Variants in DMXL1 observed in about 807,000 individuals in gnomAD.
DMXL1 encodes Dmx like 1.
A neutral mutation model predicts 319.2 loss-of-function variants in DMXL1; 99 were observed. The ratio of observed to expected loss-of-function variants is 0.31; its 90% CI spans 0.26 to 0.37. The LOEUF (loss-of-function observed/expected upper bound fraction) is 0.37. Among genes scored for constraint, DMXL1 ranks in the 10% least tolerant of loss-of-function variants. The pLI is 1.00. For synonymous variants in DMXL1, 1,385 were observed against 1,235.2 expected, an observed-to-expected ratio of 1.12 and a Z score of -2.54; for missense variants, 3,745 against 3,595.6, an observed-to-expected ratio of 1.04 and a Z score of -1.06.
At chr5:119,130,104 AGTTTT>A (rs373578414) in intron 10 of DMXL1, among the ~76,000 whole-genome samples, 7 of 151,674 alleles carry the variant, frequency 4.6e-5, no homozygotes, top group African/African-American at 1.7e-4. Flanking sequence ...TTTTTTTTAA[AGTTTT>A]GTTTTAATTT....
chr5:119,077,860 C>CGTGT (rs373295354), intron 1 of DMXL1, among the ~76,000 whole-genome samples: 8 of 95,884 alleles, frequency 8.3e-5, no homozygotes, highest in African/African-American at 1.5e-4. Flanking sequence ...TGTATATATA[C>CGTGT]GTGTGTGTGT....
intron 1 of DMXL1, among the ~76,000 whole-genome samples, chr5:119,078,760 A>T (rs1751548865): frequency 2.0e-5 from 3 of 152,228 alleles, no homozygotes; most frequent in African/African-American, 4.8e-5. Flanking sequence ...TCTGTGAGAT[A>T]TTCAGATCAA....
At chr5:119,152,457 A>T (rs1296778444) in intron 19 of DMXL1, among the ~76,000 whole-genome samples, 1 of 152,216 alleles carries the variant, frequency 6.6e-6, no homozygotes, top group African/African-American at 2.4e-5. Flanking sequence ...AGAGTACAGA[A>T]TATTGAAAGT....
At chr5:119,217,086 C>A in intron 35 of DMXL1, 99 bp downstream of exon 35, 1 of 616,272 alleles carries the variant, frequency 1.6e-6, no homozygotes, top group Admixed American at 3.1e-5. Context: ...CCCAAAGCTG[C>A]TTCCAGTTCC....
intron 43 of DMXL1, among the ~76,000 whole-genome samples, chr5:119,245,680 C>A (rs1789617145): frequency 1.3e-5 from 2 of 151,848 alleles, no homozygotes; most frequent in African/African-American, 4.8e-5. Flanking sequence ...GCTGGGACTA[C>A]AGGCGTGCGC....
intron 26 of DMXL1, 142 bp from the exon 27 acceptor site, chr5:119,177,215 G>A (rs1775968317): frequency 2.2e-6 from 1 of 463,088 alleles, no homozygotes; most frequent in Non-Finnish European, 3.8e-6. Context: ...TTTTTATATA[G>A]CACTAGACTG....
At chr5:119,175,429 GTC>G in intron 26 of DMXL1, 92 bp downstream of exon 26, 3 of 885,318 alleles carry the variant, frequency 3.4e-6, no homozygotes, top group East Asian at 2.7e-5. Flanking sequence ...ATATATAACA[GTC>G]TTTTAAATAA....
chr5:119,090,348 A>G (rs1754483393), intron 1 of DMXL1, among the ~76,000 whole-genome samples: 1 of 150,984 alleles, frequency 6.6e-6, no homozygotes, highest in African/African-American at 2.4e-5. Flanking sequence ...TTTGGGTCAA[A>G]TCTGTTTGGG....
chr5:119,155,207 C>T (rs1770737025), intron 19 of DMXL1, among the ~76,000 whole-genome samples: 1 of 152,152 alleles, frequency 6.6e-6, no homozygotes, highest in Non-Finnish European at 1.5e-5. Context: ...AGAATGCCTC[C>T]AACTTTTAAG....
chr5:119,102,018 A>G lies in DMXL1; in HGVS notation c.285+12A>G, dbSNP rs763880395. 5.3e-6 allele frequency: 8 copies of G among 1,516,738 alleles called. No individual in the cohort carries two copies. Among genetic ancestry groups the G allele is most frequent in the Middle Eastern group, 3.4e-4 (2 of 5,848 alleles). 94.0% of individuals were successfully genotyped at this position (1,516,738 alleles called of 1,614,324 possible). A position where few individuals can be genotyped will look rare whatever the true frequency, so the allele number is the denominator to read the frequency against. ...AAAAGAAAAATTTGGTCAGTAATTT[A>G]TGATTTCTTCTTTTAGGAATTGAAA... On this transcript the variant is annotated intron_variant, in intron 3 of 43. Coordinates refer to ENST00000539542, the MANE Select transcript of DMXL1 (RefSeq NM_001290321.3).
chr5:119,151,118 A>G (rs995002645), intron 18 of DMXL1, among the ~76,000 whole-genome samples: 5 of 152,108 alleles, frequency 3.3e-5, no homozygotes, highest in Non-Finnish European at 5.9e-5. Context: ...TCCACTATTA[A>G]CAATTATAAT....
chr5:119,087,255 G>A (rs145449986), intron 1 of DMXL1, among the ~76,000 whole-genome samples: 1 of 151,130 alleles, frequency 6.6e-6, no homozygotes, highest in Admixed American at 6.6e-5. Flanking sequence ...TGCATTATTA[G>A]GTTATTTGAA....
At chr5:119,201,700 A>T (rs772458937) in intron 32 of DMXL1, among the ~76,000 whole-genome samples, 1 of 152,018 alleles carries the variant, frequency 6.6e-6, no homozygotes, top group Non-Finnish European at 1.5e-5. Context: ...ATCTGGTTCT[A>T]TGCCTTTTTT....
chr5:119,098,562 A>C (rs1561572652), intron 2 of DMXL1, among the ~76,000 whole-genome samples: 2 of 152,156 alleles, frequency 1.3e-5, no homozygotes, highest in Admixed American at 1.3e-4. Flanking sequence ...ATAATATTCT[A>C]AGCCCATAAG....
At chr5:119,129,654 A>G (rs113808923) in intron 10 of DMXL1, among the ~76,000 whole-genome samples, 172 of 152,326 alleles carry the variant, frequency 1.1e-3, no homozygotes, top group Non-Finnish European at 2.0e-3. Context: ...GTTAGCCCTT[A>G]GGACTTTCCT....
chr5:119,092,232 C>T (rs901546936), intron 1 of DMXL1, among the ~76,000 whole-genome samples: 6 of 152,024 alleles, frequency 3.9e-5, no homozygotes, highest in Non-Finnish European at 8.8e-5. Flanking sequence ...TCTGGTGATA[C>T]TTTCAGCACT....
Position 119,189,629 on chromosome 5 carries a change from C to T in DMXL1, c.7136-79C>T. The stretch of plus-strand genomic sequence containing the variant: ...TTGTGTGTGCTTATTTGTAGTTAAC[C>T]TTAGCTCTTATGTAAACACAGGTGA... On this transcript the variant is annotated intron_variant, in intron 28 of 43. Coordinates refer to ENST00000539542, the MANE Select transcript of DMXL1 (RefSeq NM_001290321.3). 5 of 1,341,274 alleles carry T rather than the reference C, an allele frequency of 3.7e-6. No individual in the cohort carries two copies. In the South Asian group the frequency reaches 5.1e-5, roughly 14 times the overall value. The allele number at this position is 1,341,274 out of a possible 1,614,324, so 83.1% of individuals were successfully genotyped here.
At chr5:119,122,420 G>A (rs989833118) in intron 9 of DMXL1, among the ~76,000 whole-genome samples, 1 of 151,058 alleles carries the variant, frequency 6.6e-6, no homozygotes, top group Non-Finnish European at 1.5e-5. Context: ...CCCGGATGGG[G>A]CAGCTGGCCG....
chr5:119,247,038 G>A lies in DMXL1; in HGVS notation c.8966G>A (p.Ser2989Asn), dbSNP rs372163865. ...STFGLLHTFV[S>N]EHARQSIFRN... Reference sequence around the variant, plus strand: ...TTTGGTCTTCTCCATACTTTTGTCAGTGAACATGCTCGGCAGTCCATTTTT... The same window carrying A: ...TTTGGTCTTCTCCATACTTTTGTCAATGAACATGCTCGGCAGTCCATTTTT... Residue 2989 changes from serine to asparagine, a missense_variant, in exon 44 of 44, where the codon AGT becomes AAT. Physicochemically the swap from Ser to Asn is conservative, Grantham distance 46. This residue lies in a region of DMXL1 where 262 missense variants were observed against 320.5 expected (regional missense o/e 0.82). Coordinates refer to ENST00000539542, the MANE Select transcript of DMXL1 (RefSeq NM_001290321.3). 7 of 1,613,814 alleles carry A rather than the reference G, an allele frequency of 4.3e-6. No homozygotes were observed. The highest frequency in any genetic ancestry group is 1.7e-5 in the Admixed American group (1 of 59,986).
Sources: allele counts gnomAD v4.1 joint callset (sites outside exome capture counted in the v4.1 genomes callset), GRCh38; gene constraint gnomAD v4.1.1; regional missense constraint gnomAD v4.1.1; transcripts MANE v1.5; gene names NCBI Gene and HGNC (gene_info 2026-07-23, HGNC 2026-07-21).